The following LIX1 variants were observed in gnomAD, a reference collection of about 807,000 sequenced individuals.
The protein encoded by LIX1 is limb and CNS expressed 1, also known as protein limb expression 1 homolog.
A neutral mutation model predicts 33.4 loss-of-function variants in LIX1; 24 were observed. The ratio of observed to expected loss-of-function variants is 0.72; its 90% CI spans 0.52 to 1.01. LIX1 has a LOEUF of 1.01. Among genes scored for constraint, LIX1 ranks in the 50% least tolerant of loss-of-function variants. The probability of loss-of-function intolerance (pLI) is 0.00; values close to 1 mark genes in which losing one functional copy is unlikely to be tolerated. For missense variants in LIX1, 311 were observed against 339.2 expected, an observed-to-expected ratio of 0.92 and a Z score of 0.65; for synonymous variants, 124 against 124.0, an observed-to-expected ratio of 1.00 and a Z score of 0.00.
At chr5:97,098,441 G>A (rs998567029) in intron 4 of LIX1, among the ~76,000 whole-genome samples, 3 of 151,972 alleles carry the variant, frequency 2.0e-5, no homozygotes, top group African/African-American at 7.2e-5. Context: ...TTCAGTTATA[G>A]TTTTTTTTGG....
chr5:97,142,474 T>G (rs776374785), intron 1 of LIX1, 21 bp downstream of exon 1: 1 of 1,592,126 alleles, frequency 6.3e-7, no homozygotes, highest in Admixed American at 1.7e-5. Context: ...GTCAAAAAAC[T>G]TTTCCCCCTT....
At chr5:97,138,065 C>T (rs1056392989) in intron 1 of LIX1, among the ~76,000 whole-genome samples, 2 of 152,262 alleles carry the variant, frequency 1.3e-5, no homozygotes, top group African/African-American at 4.8e-5. Flanking sequence ...ATAAATAAAA[C>T]CTTTCATGCA....
chr5:97,098,654 G>T (rs1041346248), intron 4 of LIX1, among the ~76,000 whole-genome samples: 1 of 152,160 alleles, frequency 6.6e-6, no homozygotes, highest in Admixed American at 6.5e-5. Context: ...GGAGGCTGAG[G>T]CAGGAGAATT....
intron 4 of LIX1, 47 bp from the exon 5 acceptor site, chr5:97,096,934 A>T: frequency 1.4e-6 from 2 of 1,385,032 alleles, no homozygotes; most frequent in Non-Finnish European, 2.1e-6. Context: ...AGAAATGTGC[A>T]TTGGTGAGAG....
intron 1 of LIX1, among the ~76,000 whole-genome samples, chr5:97,135,776 G>A (rs1232616184): frequency 1.3e-5 from 2 of 152,040 alleles, no homozygotes; most frequent in Non-Finnish European, 2.9e-5. Context: ...CTGAGATCAT[G>A]CCACTACACT....
intron 1 of LIX1, among the ~76,000 whole-genome samples, chr5:97,140,686 G>A (rs1038079973): frequency 3.3e-5 from 5 of 152,212 alleles, no homozygotes; most frequent in Non-Finnish European, 7.3e-5. Flanking sequence ...TTGGTAAGTG[G>A]TTGGATGTTT....
At chr5:97,125,056 A>G (rs1347145637) in intron 1 of LIX1, among the ~76,000 whole-genome samples, 2 of 152,164 alleles carry the variant, frequency 1.3e-5, no homozygotes, top group African/African-American at 2.4e-5. Context: ...CTCATTTCTC[A>G]TAGATTCTTA....
chr5:97,106,942 G>A (rs577592239), intron 3 of LIX1, among the ~76,000 whole-genome samples: 13 of 152,222 alleles, frequency 8.5e-5, no homozygotes, highest in Non-Finnish European at 1.0e-4. Flanking sequence ...TGGGGAATTC[G>A]CACTTCCAGT....
In LIX1 at chr5:97,107,461, T is replaced by G; in HGVS notation, c.286A>C (p.Lys96Gln). The change falls in exon 3 of 6, where the codon AAA becomes CAA. Residue 96 changes from lysine to glutamine, a missense_variant. Transcript: ENST00000274382. ...SRAEARRDAAKVALINSLFNE... is the reference protein window; with the variant it reads ...SRAEARRDAAQVALINSLFNE... ...AAGAGGGAGTTGATCAGGGCCACTT[T>G]AGCTGCATCCCGCCTGGCCTCGGCT... is the stretch of plus-strand genomic sequence containing the variant. 1.2e-6 allele frequency: 2 copies of G among 1,613,782 alleles called. No individual in the cohort carries two copies. The highest frequency in any genetic ancestry group is 1.7e-6 in the Non-Finnish European group (2 of 1,180,004).
intron 1 of LIX1, among the ~76,000 whole-genome samples, chr5:97,141,697 C>A (rs1040805086): frequency 6.6e-5 from 10 of 152,218 alleles, no homozygotes; most frequent in Middle Eastern, 3.4e-3. Context: ...TTGGGCAGTT[C>A]TATTTCAGAA....
In LIX1 at chr5:97,095,108, G is replaced by A. The variant is rs140756369; in HGVS notation, c.562-73C>T. The A allele has an allele frequency of 3.3e-5, 45 of 1,371,882 alleles. No homozygotes were observed. In the East Asian group the frequency reaches 8.2e-4, roughly 25 times the overall value. 85.0% of individuals were successfully genotyped at this position (1,371,882 alleles called of 1,614,324 possible). On this transcript the variant is annotated intron_variant, in intron 5 of 5. Transcript: ENST00000274382. ...GGCACCCGTCCACATGCCTCCCCCT[G>A]CTTCCCACATCCATTAGGGTTTTAT...
intron 2 of LIX1, among the ~76,000 whole-genome samples, chr5:97,107,782 G>T (rs181717824): frequency 3.2e-4 from 48 of 152,004 alleles, no homozygotes; most frequent in Non-Finnish European, 5.6e-4. Context: ...AATGAGTAAT[G>T]ATAAATTAAT....
chr5:97,130,047 A>G (rs1383119964), intron 1 of LIX1, among the ~76,000 whole-genome samples: 1 of 152,250 alleles, frequency 6.6e-6, no homozygotes, highest in Non-Finnish European at 1.5e-5. Context: ...ACGTAAACCA[A>G]TATCCTTATC....
intron 1 of LIX1, among the ~76,000 whole-genome samples, chr5:97,126,674 C>T (rs1747934648): frequency 7.5e-6 from 1 of 133,742 alleles, no homozygotes; most frequent in African/African-American, 2.9e-5. Context: ...GAGTCTTGCT[C>T]AATCGCCCAG....
chr5:97,135,724 C>G (rs1748157980), intron 1 of LIX1, among the ~76,000 whole-genome samples: 1 of 152,050 alleles, frequency 6.6e-6, no homozygotes, highest in Non-Finnish European at 1.5e-5. Context: ...TAGGCTGAGA[C>G]AGGAGAATCC....
At chr5:97,096,938 G>C (rs182316773) in intron 4 of LIX1, 51 bp from the exon 5 acceptor site, 1 of 1,344,842 alleles carries the variant, frequency 7.4e-7, no homozygotes, top group African/African-American at 1.4e-5. Context: ...ATGTGCATTG[G>C]TGAGAGCTGA....
At position 97,093,780 on chromosome 5, in the gene LIX1, GT is replaced by G. The variant is rs925048777; in HGVS notation, c.*967del. ...TAATGATACTACATTTGAGCTACTG[GT>G]TGCTTATGTTCTTGAACAACAAACA... On this transcript the variant is annotated 3_prime_UTR_variant, in exon 6 of 6. Transcript: ENST00000274382. 6.6e-6 allele frequency: 1 copy of G among 152,180 alleles called. No homozygotes were observed. The highest frequency in any genetic ancestry group is 2.4e-5 in the African/African-American group (1 of 41,372). The allele number at this position is 152,180 out of a possible 1,614,324, so 9.4% of individuals were successfully genotyped here. A position where few individuals can be genotyped will look rare whatever the true frequency, so the allele number is the denominator to read the frequency against.
At chr5:97,126,513 T>A (rs1271647115) in intron 1 of LIX1, among the ~76,000 whole-genome samples, 2 of 152,142 alleles carry the variant, frequency 1.3e-5, no homozygotes, top group Non-Finnish European at 2.9e-5. Flanking sequence ...ATTGGGAAAA[T>A]GTTAAAAGTA....
rs1746108372 is a variant in LIX1 at position 97,092,229 on chromosome 5, A to G, written c.*2519T>C. ...CTGGAACTGTGTAATGTGAATATGT[A>G]TGTTTTGTTCTATTTTCCTAGGAGA... On this transcript the variant is annotated 3_prime_UTR_variant, in exon 6 of 6. Transcript: ENST00000274382. 1 of 152,308 alleles carries G rather than the reference A, an allele frequency of 6.6e-6. No individual in the cohort carries two copies. The highest frequency in any genetic ancestry group is 2.4e-5 in the African/African-American group (1 of 41,428). 9.4% of individuals were successfully genotyped at this position (152,308 alleles called of 1,614,324 possible).
Sources: allele counts gnomAD v4.1 joint callset (sites outside exome capture counted in the v4.1 genomes callset), GRCh38; gene constraint gnomAD v4.1.1; transcripts MANE v1.5; gene names NCBI Gene and HGNC (gene_info 2026-07-23, HGNC 2026-07-21).